GTF2H1: variants seen among roughly 807,000 people sequenced by gnomAD.
GTF2H1 encodes general transcription factor IIH subunit 1.
GTF2H1 carries 16 observed loss-of-function variants against 71.2 expected under a neutral mutation model. The observed-to-expected ratio is 0.22, with a 90% confidence interval of 0.15 to 0.34. The LOEUF is 0.34. Ranked by LOEUF, GTF2H1 falls within the 10% of genes least tolerant of loss-of-function variation. GTF2H1 has a pLI of 1.00. For missense variants in GTF2H1, 498 were observed against 648.2 expected (o/e 0.77, Z 2.52); for synonymous variants, 215 against 219.0 (o/e 0.98, Z 0.16).
In GTF2H1 at chr11:18,358,868, A is replaced by G. The variant is rs537412779; in HGVS notation, c.1467+228A>G. Reference sequence around the variant, plus strand: ...CGAGTTCCATAACTAATAATCATACAACTTAAAACTTGTATCTACCTCCAA... The same window carrying G: ...CGAGTTCCATAACTAATAATCATACGACTTAAAACTTGTATCTACCTCCAA... On this transcript the variant is annotated intron_variant, in intron 13 of 14. Transcript: ENST00000265963. 1.2e-4 allele frequency among the ~76,000 whole-genome samples: 18 copies of G among 152,310 alleles called. No individual in the cohort carries two copies. The East Asian group carries it at 3.5e-3, about 29-fold the overall frequency.
In GTF2H1 at chr11:18,356,149, C is replaced by T. The variant is rs372554768; in HGVS notation, c.1261-1803C>T. The stretch of plus-strand genomic sequence containing the variant: ...CTATAGTCCCAGCACTTTGGGAGGC[C>T]GAGGCACGCAGATCACTTGAGAGCT... On this transcript the variant is annotated intron_variant, in intron 11 of 14. Transcript: ENST00000265963. 1.5e-4 allele frequency among the ~76,000 whole-genome samples: 23 copies of T among 152,030 alleles called. No individual in the cohort carries two copies. The South Asian group carries it at 2.1e-3, about 14-fold the overall frequency.
intron 7 of GTF2H1, among the ~76,000 whole-genome samples, chr11:18,346,011 C>T (rs995447162): frequency 1.3e-5 from 2 of 148,790 alleles, no homozygotes; most frequent in Non-Finnish European, 3.0e-5. Context: ...AGGATGGCCT[C>T]GATCTCCTGA....
chr11:18,352,053 A>G (rs1269663373), intron 10 of GTF2H1, 84 bp downstream of exon 10: 1 of 762,446 alleles, frequency 1.3e-6, no homozygotes, highest in East Asian at 2.5e-5. Context: ...TCATGTTTTA[A>G]TCAGTTCGTC....
intron 9 of GTF2H1, among the ~76,000 whole-genome samples, chr11:18,350,594 G>T (rs1016972953): frequency 1.3e-5 from 2 of 151,192 alleles, no homozygotes; most frequent in African/African-American, 4.8e-5. Flanking sequence ...CTTCATGTGA[G>T]GTCAGATTTG....
intron 13 of GTF2H1, among the ~76,000 whole-genome samples, chr11:18,359,526 ATTCAAATGAAAC>A (rs955561038): frequency 6.6e-6 from 1 of 152,180 alleles, no homozygotes; most frequent in Non-Finnish European, 1.5e-5. Context: ...TTACTTCAGC[ATTCAAATGAAAC>A]TTCAAATGAA....
chr11:18,351,285 ATT>A (rs56307193), intron 9 of GTF2H1, among the ~76,000 whole-genome samples: 13 of 140,414 alleles, frequency 9.3e-5, no homozygotes, highest in Non-Finnish European at 9.2e-5. Flanking sequence ...AAGAGGCGGA[ATT>A]TTTTTTTTTT....
intron 2 of GTF2H1, among the ~76,000 whole-genome samples, chr11:18,335,112 T>G (rs1864992969): frequency 6.6e-6 from 1 of 152,226 alleles, no homozygotes; most frequent in Non-Finnish European, 1.5e-5. Context: ...ATACCTGTAT[T>G]TTTTATAAGC....
chr11:18,357,516 A>C (rs1357693323), intron 11 of GTF2H1, among the ~76,000 whole-genome samples: 1 of 152,180 alleles, frequency 6.6e-6, no homozygotes, highest in South Asian at 2.1e-4. Context: ...CAGGAGTTCA[A>C]GTTCAGCCTG....
chr11:18,349,878 A>C (rs1031717427), intron 9 of GTF2H1, among the ~76,000 whole-genome samples: 1 of 152,224 alleles, frequency 6.6e-6, no homozygotes, highest in Non-Finnish European at 1.5e-5. Context: ...GAACACTTAG[A>C]TTAGCCTGTA....
At chr11:18,342,027 C>G (rs891305030) in intron 7 of GTF2H1, 1 of 155,032 alleles carries the variant, frequency 6.5e-6, no homozygotes, top group African/African-American at 2.4e-5. Flanking sequence ...CCATGCCAAC[C>G]CCAATGTTTC....
chr11:18,339,251 T>C (rs574316717), intron 4 of GTF2H1, among the ~76,000 whole-genome samples: 1 of 152,178 alleles, frequency 6.6e-6, no homozygotes, highest in Admixed American at 6.5e-5. Flanking sequence ...CTAACCAAGG[T>C]TTGTAGTGAT....
chr11:18,325,354 T>C (rs1024892655), intron 1 of GTF2H1, among the ~76,000 whole-genome samples: 2 of 152,250 alleles, frequency 1.3e-5, no homozygotes, highest in Admixed American at 1.3e-4. Flanking sequence ...TTGAAAACTA[T>C]AGTGGTTCCC....
chr11:18,347,802 C>T (rs1312360711), intron 8 of GTF2H1, 30 bp from the exon 9 acceptor site: 12 of 1,593,140 alleles, frequency 7.5e-6, no homozygotes, highest in Non-Finnish European at 1.0e-5. Context: ...TGGTTTTTAA[C>T]GTTAACTTTT....
chr11:18,325,192 G>A (rs1864732341), intron 1 of GTF2H1, among the ~76,000 whole-genome samples: 1 of 152,160 alleles, frequency 6.6e-6, no homozygotes, highest in Non-Finnish European at 1.5e-5. Flanking sequence ...CTTGCACATT[G>A]GAAAAGGGGA....
At chr11:18,332,212 A>G (rs1015880730) in intron 1 of GTF2H1, among the ~76,000 whole-genome samples, 5 of 152,226 alleles carry the variant, frequency 3.3e-5, no homozygotes, top group Non-Finnish European at 7.3e-5. Context: ...GTTAAATTAT[A>G]TTTTGGCCAT....
At chr11:18,327,313 A>G (rs940852840) in intron 1 of GTF2H1, among the ~76,000 whole-genome samples, 8 of 149,522 alleles carry the variant, frequency 5.4e-5, no homozygotes, top group Non-Finnish European at 1.2e-4. Context: ...CATTTAAATC[A>G]TCTGTATTTT....
At chr11:18,350,793 T>C (rs1211261508) in intron 9 of GTF2H1, among the ~76,000 whole-genome samples, 1 of 152,190 alleles carries the variant, frequency 6.6e-6, no homozygotes, top group Non-Finnish European at 1.5e-5. Flanking sequence ...CAAGGCTGAT[T>C]TGCACAAATG....
At chr11:18,339,708 T>C in intron 5 of GTF2H1, 51 bp downstream of exon 5, 1 of 1,047,014 alleles carries the variant, frequency 9.6e-7, no homozygotes, top group Non-Finnish European at 1.4e-6. Context: ...ATATATTCTA[T>C]AGTATATCAG....
chr11:18,338,800 C>G (rs916507268), intron 4 of GTF2H1, among the ~76,000 whole-genome samples: 1 of 151,990 alleles, frequency 6.6e-6, no homozygotes, highest in African/African-American at 2.4e-5. Context: ...ATTTATATTT[C>G]TTTTTACCAG....
Sources: allele counts gnomAD v4.1 joint callset (sites outside exome capture counted in the v4.1 genomes callset), GRCh38; gene constraint gnomAD v4.1.1; transcripts MANE v1.5; gene names NCBI Gene and HGNC (gene_info 2026-07-23, HGNC 2026-07-21).